The following CDC25C variants were observed in gnomAD, a reference collection of about 807,000 sequenced individuals.
The protein encoded by CDC25C is cell division cycle 25C.
CDC25C carries 48 observed loss-of-function variants against 52.5 expected under a neutral mutation model. The ratio of observed to expected loss-of-function variants is 0.91; its 90% CI spans 0.72 to 1.16. The LOEUF is 1.16. Ranked by LOEUF, CDC25C falls within the 50% of genes most tolerant of loss-of-function variation. The pLI, the probability that CDC25C is intolerant of heterozygous loss-of-function variation, is 0.00. For synonymous variants in CDC25C, 187 were observed against 206.5 expected (o/e 0.91, Z 0.81); for missense variants, 510 against 566.1 (o/e 0.90, Z 1.01).
chr5:138,320,661 T>C lies in CDC25C; in HGVS notation c.460-1287A>G, dbSNP rs572357634. ...ATGGCAAAACCCTGATTCTACAAAA[T>C]ATACAAAAAAATTAGGTTGAGGTGG... On this transcript the variant is annotated intron_variant, in intron 6 of 13. Transcript: ENST00000323760. Among the ~76,000 whole-genome samples the C allele has an allele frequency of 2.0e-5, 3 of 150,952 alleles. No individual in the cohort carries two copies. In the South Asian group the frequency reaches 6.3e-4, roughly 32 times the overall value.
intron 7 of CDC25C, among the ~76,000 whole-genome samples, chr5:138,294,274 C>T (rs1269513037): frequency 4.6e-5 from 7 of 151,584 alleles, no homozygotes; most frequent in Non-Finnish European, 8.8e-5. Flanking sequence ...TCATTGCAAC[C>T]TCTACCTCCC....
intron 7 of CDC25C, among the ~76,000 whole-genome samples, chr5:138,314,267 C>T (rs529217242): frequency 1.7e-4 from 26 of 149,310 alleles, no homozygotes; most frequent in African/African-American, 5.9e-4. Context: ...AAAGTGCTGT[C>T]CTTTATTCAA....
chr5:138,322,754 C>T lies in CDC25C; in HGVS notation c.459+3061G>A, dbSNP rs1294635921. The stretch of plus-strand genomic sequence containing the variant: ...CCTCCCAAAGTGCTGGAATTACAGG[C>T]GTGAGCCACCGCGCCCGGCCCTGGC... On this transcript the variant is annotated intron_variant, in intron 6 of 13. Coordinates refer to ENST00000323760, the MANE Select transcript of CDC25C (RefSeq NM_001790.5). Among the ~76,000 whole-genome samples, 8 of 149,270 alleles carry T rather than the reference C, an allele frequency of 5.4e-5. No homozygotes were observed. In the East Asian group the frequency reaches 1.6e-3, roughly 30 times the overall value.
At position 138,328,662 on chromosome 5, in the gene CDC25C, G is replaced by A. The variant is rs573887154; in HGVS notation, c.290-133C>T. The A allele has an allele frequency of 1.1e-4, 75 of 707,238 alleles. 1 individual carries two copies. The highest frequency in any genetic ancestry group is 5.6e-4 in the South Asian group (34 of 60,462). The allele number at this position is 707,238 out of a possible 1,614,324, so 43.8% of individuals were successfully genotyped here. On this transcript the variant is annotated intron_variant, in intron 3 of 13. Transcript: ENST00000323760. ...TGAGCTTTTGAATACAAAGCCTCTC[G>A]ATTGGTACCCATTTCATGGTACAAG...
At chr5:138,303,151 C>A (rs186927163) in intron 7 of CDC25C, among the ~76,000 whole-genome samples, 1 of 152,176 alleles carries the variant, frequency 6.6e-6, no homozygotes, top group Admixed American at 6.6e-5. Flanking sequence ...ACTTCCTCAA[C>A]CTGATGATGG....
At chr5:138,294,499 A>ATTTTT (rs762737768) in intron 7 of CDC25C, among the ~76,000 whole-genome samples, 2 of 95,982 alleles carry the variant, frequency 2.1e-5, no homozygotes, top group Non-Finnish European at 4.1e-5. Context: ...CACTCAGCTA[A>ATTTTT]TTTTTTTTTT....
chr5:138,326,184 C>A, intron 4 of CDC25C, 130 bp from the exon 5 acceptor site: 1 of 901,510 alleles, frequency 1.1e-6, no homozygotes, highest in Admixed American at 1.8e-5. Flanking sequence ...TATGTCTCTT[C>A]CAACAACAAT....
At position 138,331,244 on chromosome 5, in the gene CDC25C, G is replaced by A. The variant is rs762400752; in HGVS notation, c.-38-26C>T. 3 of 1,461,808 alleles carry A rather than the reference G, an allele frequency of 2.1e-6. No individual in the cohort carries two copies. The South Asian group carries it at 3.4e-5, about 17-fold the overall frequency. The allele number at this position is 1,461,808 out of a possible 1,614,324, so 90.6% of individuals were successfully genotyped here. A position where few individuals can be genotyped will look rare whatever the true frequency, so the allele number is the denominator to read the frequency against. On this transcript the variant is annotated intron_variant, in intron 1 of 13. Coordinates refer to ENST00000323760, the MANE Select transcript of CDC25C (RefSeq NM_001790.5). ...CTAGGAGGAAAACGTCATCTAAATC[G>A]GTACATCACAGTTCCCTCAGCTTTC...
chr5:138,334,895 A>T (rs1363006646), upstream of CDC25C, among the ~76,000 whole-genome samples: 1 of 152,242 alleles, frequency 6.6e-6, no homozygotes, highest in Non-Finnish European at 1.5e-5. Context: ...CCTTCCCAGA[A>T]GAAAGAATAT....
chr5:138,315,161 T>C (rs1011319845), intron 7 of CDC25C, among the ~76,000 whole-genome samples: 1 of 151,490 alleles, frequency 6.6e-6, no homozygotes, highest in African/African-American at 2.4e-5. Flanking sequence ...CTCAAACTCC[T>C]GACCACCCGC....
chr5:138,286,268 C>CA lies in CDC25C; in HGVS notation c.1161-136dup, dbSNP rs542574881. 3.0e-4 allele frequency: 247 copies of CA among 809,940 alleles called. 2 individuals are homozygous for CA. Among genetic ancestry groups the CA allele is most frequent in the South Asian group, 1.9e-3 (105 of 55,806 alleles). The allele number at this position is 809,940 out of a possible 1,614,324, so 50.2% of individuals were successfully genotyped here. A position where few individuals can be genotyped will look rare whatever the true frequency, so the allele number is the denominator to read the frequency against. On this transcript the variant is annotated intron_variant, in intron 12 of 13. Coordinates refer to ENST00000323760, the MANE Select transcript of CDC25C (RefSeq NM_001790.5). The stretch of plus-strand genomic sequence containing the variant: ...GGACTTTCCAATCTCCCTGTGTTTG[C>CA]AAAAAAAGGTCCAAGTAGTACCACC...
At chr5:138,302,560 G>A (rs1162729293) in intron 7 of CDC25C, among the ~76,000 whole-genome samples, 28 of 151,764 alleles carry the variant, frequency 1.8e-4, no homozygotes, top group African/African-American at 4.4e-4. Flanking sequence ...TTAGCAAGGC[G>A]TGGTGGCACA....
chr5:138,304,093 T>G (rs1213869031), intron 7 of CDC25C, among the ~76,000 whole-genome samples: 1 of 152,248 alleles, frequency 6.6e-6, no homozygotes, highest in African/African-American at 2.4e-5. Context: ...GATCTCATCC[T>G]TCCTTCACAG....
At chr5:138,304,447 AC>A (rs1234438226) in intron 7 of CDC25C, among the ~76,000 whole-genome samples, 1 of 145,620 alleles carries the variant, frequency 6.9e-6, no homozygotes, top group East Asian at 2.0e-4. Flanking sequence ...TCAGGCTACC[AC>A]CAACTGTAGC....
At chr5:138,296,044 G>A (rs752054368) in intron 7 of CDC25C, among the ~76,000 whole-genome samples, 7 of 151,940 alleles carry the variant, frequency 4.6e-5, no homozygotes, top group Non-Finnish European at 1.0e-4. Flanking sequence ...GTACACATAA[G>A]CCAGCCCGGC....
intron 3 of CDC25C, 127 bp from the exon 4 acceptor site, chr5:138,328,656 C>G: frequency 1.3e-6 from 1 of 744,326 alleles, no homozygotes; most frequent in Non-Finnish European, 2.4e-6. Context: ...GAATACAAAG[C>G]CTCTCGATTG....
intron 1 of CDC25C, chr5:138,337,934 C>A (rs56316522): frequency 0.18 from 230,988 of 1,285,524 alleles, 22,065 homozygotes; most frequent in South Asian, 0.24. Flanking sequence ...GGAGGGAGGG[C>A]AGGGGCGATG....
rs1319354059 is a variant in CDC25C at position 138,330,979 on chromosome 5, A to G, written c.194+8T>C. ...GGCAATACAGTGTAAAAATAAAAGT[A>G]TATTTACCCAGACAAAATGCTTAGG... On this transcript the variant is annotated splice_region_variant and intron_variant, in intron 2 of 13. Transcript: ENST00000323760. The G allele has an allele frequency of 1.9e-6, 3 of 1,580,632 alleles. No individual in the cohort carries two copies. Among genetic ancestry groups the G allele is most frequent in the Non-Finnish European group, 2.6e-6 (3 of 1,149,868 alleles).
intron 7 of CDC25C, among the ~76,000 whole-genome samples, chr5:138,299,924 G>C (rs1030253294): frequency 2.6e-5 from 4 of 152,068 alleles, no homozygotes; most frequent in African/African-American, 9.7e-5. Flanking sequence ...TGGAAAGTGG[G>C]ACATTACTAC....
Sources: gnomAD v4.1 joint callset for allele counts (sites outside exome capture counted in the v4.1 genomes callset) on GRCh38, gnomAD v4.1.1 for gene constraint, MANE v1.5 for transcripts, NCBI Gene and HGNC (gene_info 2026-07-23, HGNC 2026-07-21) for gene names.